OSBPL9: variants seen among roughly 807,000 people sequenced by gnomAD.
The protein encoded by OSBPL9 is oxysterol-binding protein-related protein 9.
A neutral mutation model predicts 106.6 loss-of-function variants in OSBPL9; 40 were observed. That is an observed-to-expected ratio of 0.38 (90% CI 0.29 to 0.49). OSBPL9 has a LOEUF of 0.49. OSBPL9 is among the 20% of genes least tolerant of loss of function. The pLI is 0.97. For missense variants in OSBPL9, 609 were observed against 887.2 expected, an observed-to-expected ratio of 0.69 and a Z score of 3.98; for synonymous variants, 269 against 295.4, an observed-to-expected ratio of 0.91 and a Z score of 0.92.
intron 12 of OSBPL9, among the ~76,000 whole-genome samples, chr1:51,769,427 C>T (rs1673343509): frequency 6.6e-6 from 1 of 152,182 alleles, no homozygotes; most frequent in South Asian, 2.1e-4. Flanking sequence ...AATGGCTCCA[C>T]TACTCACCAG....
chr1:51,624,883 T>C (rs1017644072), intron 1 of OSBPL9, among the ~76,000 whole-genome samples: 4 of 152,350 alleles, frequency 2.6e-5, no homozygotes, highest in Admixed American at 6.5e-5. Context: ...ATGATGGCAG[T>C]ACTGAACATC....
intron 2 of OSBPL9, among the ~76,000 whole-genome samples, chr1:51,601,665 C>T (rs956807377): frequency 2.0e-5 from 3 of 152,230 alleles, no homozygotes; most frequent in Non-Finnish European, 2.9e-5. Flanking sequence ...TTTCTTCTCC[C>T]TGAGTAAGAA....
Position 51,589,103 on chromosome 1 carries a change from T to G in OSBPL9, c.-422-9021T>G, listed in dbSNP as rs1193055748. Among the ~76,000 whole-genome samples the G allele has an allele frequency of 2.6e-5, 4 of 151,980 alleles. No homozygotes were observed. In the East Asian group the frequency reaches 7.7e-4, roughly 29 times the overall value. On this transcript the variant is annotated intron_variant, in intron 1 of 25. Transcript: ENST00000371714. The stretch of plus-strand genomic sequence containing the variant: ...TCTTTTTCTTTTCTTTTCTTTTTTT[T>G]TTTAAGACAGGGTCTCCCTCTGTCA...
At chr1:51,710,548 T>C (rs994961765) in intron 3 of OSBPL9, among the ~76,000 whole-genome samples, 1 of 152,242 alleles carries the variant, frequency 6.6e-6, no homozygotes, top group African/African-American at 2.4e-5. Context: ...TTTTAGAATT[T>C]TATTTAATGA....
chr1:51,676,825 G>T (rs549976504), intron 3 of OSBPL9, among the ~76,000 whole-genome samples: 1 of 152,146 alleles, frequency 6.6e-6, no homozygotes, highest in South Asian at 2.1e-4. Flanking sequence ...AACCCAATTG[G>T]GCATTGTTAA....
chr1:51,641,678 A>G (rs1183140969), intron 1 of OSBPL9, among the ~76,000 whole-genome samples: 1 of 152,170 alleles, frequency 6.6e-6, no homozygotes, highest in Non-Finnish European at 1.5e-5. Flanking sequence ...CCCATCCTAG[A>G]TTACTTCTAG....
chr1:51,741,698 G>T (rs1666959885), intron 4 of OSBPL9, among the ~76,000 whole-genome samples: 1 of 151,116 alleles, frequency 6.6e-6, no homozygotes, highest in Admixed American at 6.6e-5. Context: ...CTTTACATAG[G>T]TTTCTAAATT....
At chr1:51,703,240 C>T (rs1006723830) in intron 3 of OSBPL9, among the ~76,000 whole-genome samples, 1 of 152,142 alleles carries the variant, frequency 6.6e-6, no homozygotes, top group Non-Finnish European at 1.5e-5. Context: ...GGCAGTGTGG[C>T]CATTTTCACG....
At chr1:51,716,907 A>C (rs1397868021) in intron 4 of OSBPL9, among the ~76,000 whole-genome samples, 1 of 151,696 alleles carries the variant, frequency 6.6e-6, no homozygotes, top group Non-Finnish European at 1.5e-5. Context: ...CCCCCCACCC[A>C]CTTCAGTTTA....
intron 1 of OSBPL9, among the ~76,000 whole-genome samples, chr1:51,597,609 A>G (rs1242428051): frequency 1.3e-5 from 2 of 152,108 alleles, no homozygotes; most frequent in African/African-American, 4.8e-5. Flanking sequence ...ACATAGCTAG[A>G]TGAGATCTTT....
chr1:51,519,274 C>G, the OSBPL9 span: 1 of 972,310 alleles, frequency 1.0e-6, no homozygotes, highest in East Asian at 1.0e-4. Flanking sequence ...GACGGGCTGA[C>G]TGGGGCTCGG....
intron 4 of OSBPL9, among the ~76,000 whole-genome samples, chr1:51,723,742 A>G (rs1162395334): frequency 2.0e-5 from 3 of 152,152 alleles, no homozygotes; most frequent in Non-Finnish European, 1.5e-5. Flanking sequence ...TGTACCGCCT[A>G]TTCATTCACC....
intron 2 of OSBPL9, 97 bp from the exon 3 acceptor site, chr1:51,669,337 G>T: frequency 1.0e-6 from 1 of 960,094 alleles, no homozygotes. Flanking sequence ...CCTGCTTCCA[G>T]TGTCGTTGGT....
At chr1:51,529,502 C>A in the OSBPL9 span, among the ~76,000 whole-genome samples, 1 of 151,922 alleles carries the variant, frequency 6.6e-6, no homozygotes, top group Non-Finnish European at 1.5e-5. Flanking sequence ...CTTGGCCTCC[C>A]GAAGTGCTGG....
At chr1:51,544,844 T>TTG in the OSBPL9 span, among the ~76,000 whole-genome samples, 1 of 137,642 alleles carries the variant, frequency 7.3e-6, no homozygotes, top group Non-Finnish European at 1.6e-5. Context: ...ATGCTTTTTT[T>TTG]TTTTTTTTTT....
At chr1:51,553,154 C>T in the OSBPL9 span, among the ~76,000 whole-genome samples, 1 of 151,954 alleles carries the variant, frequency 6.6e-6, no homozygotes, top group Admixed American at 6.6e-5. Flanking sequence ...ATCACTCCAC[C>T]CACAAAATAG....
At chr1:51,565,264 T>A in the OSBPL9 span, among the ~76,000 whole-genome samples, 1 of 152,152 alleles carries the variant, frequency 6.6e-6, no homozygotes, top group African/African-American at 2.4e-5. Flanking sequence ...CCAACAGACC[T>A]TTCCAACCTT....
intron 1 of OSBPL9, among the ~76,000 whole-genome samples, chr1:51,588,189 C>A (rs1557576731): frequency 6.6e-6 from 1 of 152,090 alleles, no homozygotes; most frequent in Non-Finnish European, 1.5e-5. Flanking sequence ...TCGAGACCAG[C>A]CTGACCAACA....
chr1:51,655,280 C>A (rs1453866477), intron 2 of OSBPL9, among the ~76,000 whole-genome samples: 1 of 151,992 alleles, frequency 6.6e-6, no homozygotes, highest in Non-Finnish European at 1.5e-5. Context: ...GAATTCAATT[C>A]CTTGTGATTG....
Sources: allele counts gnomAD v4.1 joint callset (sites outside exome capture counted in the v4.1 genomes callset), GRCh38; gene constraint gnomAD v4.1.1; transcripts MANE v1.5; gene names NCBI Gene and HGNC (gene_info 2026-07-23, HGNC 2026-07-21).